The following NEBL variants were observed in gnomAD, a reference collection of about 807,000 sequenced individuals.
NEBL encodes nebulette.
NEBL carries 122 observed loss-of-function variants against 140.2 expected under a neutral mutation model. That is an observed-to-expected ratio of 0.87 (90% CI 0.75 to 1.01). NEBL has a LOEUF of 1.01. Among genes scored for constraint, NEBL ranks in the 50% least tolerant of loss-of-function variants. The pLI is 0.00. For synonymous variants in NEBL, 436 were observed against 398.9 expected, an observed-to-expected ratio of 1.09 and a Z score of -1.11; for missense variants, 1,365 against 1,231.3, an observed-to-expected ratio of 1.11 and a Z score of -1.62.
At chr10:20,983,975 C>T (rs933619371) in intron 3 of NEBL, among the ~76,000 whole-genome samples, 16 of 152,016 alleles carry the variant, frequency 1.1e-4, no homozygotes, top group Non-Finnish European at 2.4e-4. Context: ...ATCTATTTTG[C>T]AAATCTATGT....
chr10:21,070,347 C>T (rs1361303434), intron 2 of NEBL, among the ~76,000 whole-genome samples: 3 of 151,918 alleles, frequency 2.0e-5, no homozygotes, highest in Non-Finnish European at 4.4e-5. Flanking sequence ...GTCAGATTGC[C>T]CTGGTTAAAA....
chr10:21,044,397 TAAAAAAA>T (rs57176129), intron 2 of NEBL, among the ~76,000 whole-genome samples: 25 of 34,866 alleles, frequency 7.2e-4, no homozygotes, highest in Admixed American at 3.4e-3. Flanking sequence ...AGAGTAAGAA[TAAAAAAA>T]AAAAAAAAAA....
chr10:21,127,045 G>A (rs910459091), intron 2 of NEBL, among the ~76,000 whole-genome samples: 5 of 149,188 alleles, frequency 3.4e-5, no homozygotes, highest in Non-Finnish European at 7.4e-5. Flanking sequence ...AGGAATTACT[G>A]CAACTGATTC....
chr10:21,244,734 G>A (rs1304943158), intron 3 of NEBL, among the ~76,000 whole-genome samples: 1 of 151,860 alleles, frequency 6.6e-6, no homozygotes, highest in Non-Finnish European at 1.5e-5. Flanking sequence ...ATTAGGCCAG[G>A]CATGGTGGCA....
chr10:21,046,245 G>A (rs532996302), intron 2 of NEBL, among the ~76,000 whole-genome samples: 55 of 152,336 alleles, frequency 3.6e-4, no homozygotes, highest in Non-Finnish European at 6.3e-4. Flanking sequence ...GGAATAGGGA[G>A]ATGTTGGTTG....
At chr10:21,142,137 T>G (rs1214202559) in intron 2 of NEBL, among the ~76,000 whole-genome samples, 1 of 152,170 alleles carries the variant, frequency 6.6e-6, no homozygotes, top group East Asian at 1.9e-4. Context: ...CTTGGTAATA[T>G]AACCCACTAT....
chr10:21,277,738 T>C (rs2132295028), intron 1 of NEBL, among the ~76,000 whole-genome samples: 1 of 152,364 alleles, frequency 6.6e-6, no homozygotes, highest in South Asian at 2.1e-4. Context: ...CACAATGCTT[T>C]GGGCCTTTCC....
intron 3 of NEBL, among the ~76,000 whole-genome samples, chr10:21,202,461 C>CTTTTTTT (rs35623208): frequency 0.012 from 1,384 of 117,232 alleles, 83 homozygotes; most frequent in African/African-American, 0.04. Flanking sequence ...TTTTCTTTTT[C>CTTTTTTT]TTTTTTTTTT....
At chr10:21,182,134 C>A (rs555482332) in intron 3 of NEBL, among the ~76,000 whole-genome samples, 23 of 149,700 alleles carry the variant, frequency 1.5e-4, no homozygotes, top group Non-Finnish European at 2.8e-4. Flanking sequence ...AATTTAACCA[C>A]GGACAGGATA....
intron 2 of NEBL, among the ~76,000 whole-genome samples, chr10:20,894,459 T>G (rs1268434855): frequency 7.0e-6 from 1 of 142,726 alleles, no homozygotes; most frequent in African/African-American, 2.6e-5. Context: ...GGCAACAGAG[T>G]GAGACTCTGT....
At chr10:21,208,432 G>A (rs1280890217) in intron 3 of NEBL, among the ~76,000 whole-genome samples, 5 of 152,212 alleles carry the variant, frequency 3.3e-5, no homozygotes, top group Admixed American at 2.6e-4. Context: ...GAAGAGGTCA[G>A]ACAGCAGGCT....
intron 3 of NEBL, among the ~76,000 whole-genome samples, chr10:21,207,803 T>C (rs1564542720): frequency 6.6e-6 from 1 of 152,114 alleles, no homozygotes. Flanking sequence ...TGTCTCTAGG[T>C]TCTAGAAACC....
chr10:21,231,613 C>A lies in NEBL; in HGVS notation n.348+16308G>T, dbSNP rs1035564491. Among the ~76,000 whole-genome samples the A allele has an allele frequency of 2.0e-5, 3 of 151,374 alleles. 1 individual carries two copies. The highest frequency in any genetic ancestry group is 6.3e-3 in the Middle Eastern group (2 of 316). On this transcript the variant is annotated intron_variant and non_coding_transcript_variant, in intron 3 of 8. Coordinates refer to the NEBL transcript ENST00000675702. ...GACAGAACAATGTGGGGCAAGGGAACAGTATTACAGTCAGGAGAGAACATC... is the reference window on the plus strand; with the variant it reads ...GACAGAACAATGTGGGGCAAGGGAAAAGTATTACAGTCAGGAGAGAACATC...
chr10:21,115,536 G>GA (rs1420505388), intron 2 of NEBL, among the ~76,000 whole-genome samples: 1 of 151,514 alleles, frequency 6.6e-6, no homozygotes, highest in Non-Finnish European at 1.5e-5. Flanking sequence ...CTAGGTGAGA[G>GA]TTTTTTTTCT....
At chr10:21,041,354 A>C (rs1834259046) in intron 2 of NEBL, among the ~76,000 whole-genome samples, 1 of 152,208 alleles carries the variant, frequency 6.6e-6, no homozygotes, top group African/African-American at 2.4e-5. Flanking sequence ...ATGTCCCATC[A>C]AAAGCTTGCA....
chr10:20,938,453 A>G (rs552134204), intron 4 of NEBL, among the ~76,000 whole-genome samples: 5 of 152,352 alleles, frequency 3.3e-5, no homozygotes, highest in African/African-American at 1.2e-4. Flanking sequence ...CACCATCATC[A>G]AAGACCAAAG....
At chr10:20,790,927 G>T (rs1413453517) in intron 26 of NEBL, among the ~76,000 whole-genome samples, 2 of 152,156 alleles carry the variant, frequency 1.3e-5, no homozygotes, top group African/African-American at 4.8e-5. Context: ...ACAAACAAGG[G>T]CTTTTCAATC....
At chr10:21,243,833 C>A (rs182704251) in intron 3 of NEBL, among the ~76,000 whole-genome samples, 6 of 149,600 alleles carry the variant, frequency 4.0e-5, no homozygotes, top group Non-Finnish European at 5.9e-5. Context: ...GTAGAAACAG[C>A]GAAAGAAAAG....
intron 2 of NEBL, among the ~76,000 whole-genome samples, chr10:21,115,809 C>T (rs763459345): frequency 5.9e-5 from 9 of 151,890 alleles, no homozygotes; most frequent in African/African-American, 1.2e-4. Flanking sequence ...CCTTCCCAAT[C>T]CGCTCTTAAT....
Sources: allele counts gnomAD v4.1 joint callset (sites outside exome capture counted in the v4.1 genomes callset), GRCh38; gene constraint gnomAD v4.1.1; transcripts MANE v1.5; gene names NCBI Gene and HGNC (gene_info 2026-07-23, HGNC 2026-07-21).